IFNGR1: variants seen among roughly 807,000 people sequenced by gnomAD.
IFNGR1 encodes the protein interferon gamma receptor 1, also known as AVP, type 2.
A neutral mutation model predicts 35.4 loss-of-function variants in IFNGR1; 23 were observed. That is an observed-to-expected ratio of 0.65 (90% confidence interval 0.47 to 0.92). IFNGR1 has a LOEUF of 0.92. Among genes scored for constraint, IFNGR1 ranks in the 40% least tolerant of loss-of-function variants. The pLI, the probability that IFNGR1 is intolerant of heterozygous loss-of-function variation, is 0.00. For synonymous variants in IFNGR1, 199 were observed against 209.5 expected, an observed-to-expected ratio of 0.95 and a Z score of 0.43; for missense variants, 533 against 583.4, an observed-to-expected ratio of 0.91 and a Z score of 0.89.
Position 137,198,270 on chromosome 6 carries a change from C to T in IFNGR1, c.1231G>A (p.Gly411Ser), listed in dbSNP as rs750604380. 3.1e-6 allele frequency: 5 copies of T among 1,613,826 alleles called. No individual in the cohort carries two copies. Among genetic ancestry groups the T allele is most frequent in the East Asian group, 2.2e-5 (1 of 44,900 alleles). The change falls in exon 7 of 7, where the codon GGT becomes AGT. Residue 411 changes from glycine (G) to serine (S), a missense_variant. By Grantham distance (56) the Gly-to-Ser change is moderately conservative. Coordinates refer to ENST00000367739, the MANE Select transcript of IFNGR1 (RefSeq NM_000416.3). ...NCSESDHSRNGFDTDSSCLES... is the reference protein window; with the variant it reads ...NCSESDHSRNSFDTDSSCLES... The stretch of plus-strand genomic sequence containing the variant: ...AGACAGCTGGAATCAGTATCAAAAC[C>T]ATTTCTGGAGTGATCACTCTCAGAA...
At chr6:137,206,021 A>G (rs1400837533) in intron 3 of IFNGR1, 115 bp downstream of exon 3, 2 of 858,092 alleles carry the variant, frequency 2.3e-6, no homozygotes, top group Admixed American at 1.9e-5. Flanking sequence ...AATTCCTCCA[A>G]GTGTTTCTTA....
intron 3 of IFNGR1, among the ~76,000 whole-genome samples, chr6:137,204,825 T>C (rs1779392319): frequency 6.6e-6 from 1 of 152,228 alleles, no homozygotes; most frequent in Admixed American, 6.5e-5. Context: ...TAGACTCTAT[T>C]AAGTAATTTT....
At chr6:137,215,425 C>T in intron 1 of IFNGR1, 2 of 1,254,512 alleles carry the variant, frequency 1.6e-6, no homozygotes, top group Non-Finnish European at 1.1e-6. Context: ...CTTAAAAATA[C>T]ACAAGACCTA....
chr6:137,207,171 G>A, intron 1 of IFNGR1, 94 bp from the exon 2 acceptor site: 1 of 1,486,206 alleles, frequency 6.7e-7, no homozygotes, highest in Non-Finnish European at 9.1e-7. Context: ...GCCCAGATAT[G>A]TATATTTGAA....
In IFNGR1 at chr6:137,197,565, T is replaced by C. The variant is rs886061125; in HGVS notation, c.*466A>G. ...TACACGTTTCTATTTACATATTCCA[T>C]TAATTCTATTAGTTTGAATTAGATT... On this transcript the variant is annotated 3_prime_UTR_variant, in exon 7 of 7. Coordinates refer to ENST00000367739, the MANE Select transcript of IFNGR1 (RefSeq NM_000416.3). The C allele has an allele frequency of 6.5e-6, 1 of 154,404 alleles. No homozygotes were observed. The highest frequency in any genetic ancestry group is 1.4e-5 in the Non-Finnish European group (1 of 69,390). 9.6% of individuals were successfully genotyped at this position (154,404 alleles called of 1,614,324 possible).
At position 137,198,694 on chromosome 6, in the gene IFNGR1, C is replaced by G. The variant is rs1779162945; in HGVS notation, c.862-55G>C. The G allele has an allele frequency of 4.2e-6, 6 of 1,431,520 alleles. No homozygotes were observed. In the Admixed American group the frequency reaches 1.0e-4, roughly 24 times the overall value. 88.7% of individuals were successfully genotyped at this position (1,431,520 alleles called of 1,614,324 possible). ...AAAATTGTTAAGCTTAAGTGCCTAC[C>G]CTCAAAAAAAACAAAGGTCTGAAGT... On this transcript the variant is annotated intron_variant, in intron 6 of 6. Coordinates refer to ENST00000367739, the MANE Select transcript of IFNGR1 (RefSeq NM_000416.3).
At chr6:137,215,983 T>C (rs1028703452) in intron 1 of IFNGR1, among the ~76,000 whole-genome samples, 4 of 152,226 alleles carry the variant, frequency 2.6e-5, no homozygotes, top group African/African-American at 9.6e-5. Context: ...ATTACAGGCA[T>C]GAGCCACTGC....
In IFNGR1 at chr6:137,201,002, A is replaced by G. The variant is rs762735707; in HGVS notation, c.740T>C (p.Leu247Pro). ...TIFNSSIKGS[L>P]WIPVVAALLL... ...TAAAGCAGCAACAACTGGAATCCAA[A>G]GAGAACCTTAAAAAAGGCAGAAATC... The change falls in exon 6 of 7, where the codon CTT becomes CCT. Residue 247 changes from leucine to proline, a missense_variant. Coordinates refer to ENST00000367739, the MANE Select transcript of IFNGR1 (RefSeq NM_000416.3). 1.9e-6 allele frequency: 3 copies of G among 1,613,446 alleles called. No individual in the cohort carries two copies. In the Admixed American group the frequency reaches 5.0e-5, roughly 27 times the overall value.
At chr6:137,211,617 A>G (rs142748099) in intron 1 of IFNGR1, among the ~76,000 whole-genome samples, 155 of 152,248 alleles carry the variant, frequency 1.0e-3, no homozygotes, top group African/African-American at 3.2e-3. Flanking sequence ...CTTGTAGGTG[A>G]TCCCTAAGGC....
intron 5 of IFNGR1, 78 bp from the exon 6 acceptor site, chr6:137,201,086 C>G (rs1779267145): frequency 1.4e-6 from 2 of 1,446,582 alleles, no homozygotes; most frequent in Non-Finnish European, 1.9e-6. Context: ...TAGTGCCATT[C>G]TTGAATAGAT....
chr6:137,199,313 ATATAATATATAATT>A lies in IFNGR1; in HGVS notation c.862-688_862-675del, dbSNP rs1434865621. 5.3e-5 allele frequency among the ~76,000 whole-genome samples: 7 copies of A among 133,296 alleles called. 1 individual carries two copies. In the East Asian group the frequency reaches 6.1e-4, roughly 12 times the overall value. The allele number at this position is 133,296 out of a possible 152,430, so 87.4% of individuals were successfully genotyped here. ...ATGAAAAATATAATTAATATATATT[ATATAATATATAATT>A]TATAATATATAATATATAATTTATA... On this transcript the variant is annotated intron_variant, in intron 6 of 6. Coordinates refer to ENST00000367739, the MANE Select transcript of IFNGR1 (RefSeq NM_000416.3).
intron 1 of IFNGR1, chr6:137,219,039 A>G (rs1161111848): frequency 6.5e-6 from 4 of 616,872 alleles, no homozygotes; most frequent in African/African-American, 5.6e-5. Context: ...GGGAAGAGGC[A>G]GGAGAAAGGC....
chr6:137,206,846 T>C (rs1184489808), intron 2 of IFNGR1, 117 bp downstream of exon 2: 4 of 766,176 alleles, frequency 5.2e-6, no homozygotes, highest in East Asian at 5.3e-5. Context: ...TGGACCTCTA[T>C]AAGCAGTTTA....
chr6:137,204,466 C>T lies in IFNGR1; in HGVS notation c.412G>A (p.Glu138Lys), dbSNP rs779873472. The change falls in exon 4 of 7, where the codon GAG becomes AAG. Residue 138 changes from glutamate (E) to lysine (K), a missense_variant. Physicochemically the swap from Glu to Lys is moderately conservative, Grantham distance 56. Transcript: ENST00000367739. ...GPPKLDIRKE[E>K]KQIMIDIFHP... Reference sequence around the variant, plus strand: ...AATATGTCAATCATGATTTGCTTCTCCTCCTTTCTGATATCCAGTTTAGGT... The same window carrying T: ...AATATGTCAATCATGATTTGCTTCTTCTCCTTTCTGATATCCAGTTTAGGT... The T allele has an allele frequency of 8.1e-6, 13 of 1,613,996 alleles. No homozygotes were observed. Among genetic ancestry groups the T allele is most frequent in the African/African-American group, 1.3e-5 (1 of 75,040 alleles).
intron 1 of IFNGR1, among the ~76,000 whole-genome samples, chr6:137,211,993 A>C (rs986623129): frequency 1.3e-5 from 2 of 152,066 alleles, no homozygotes; most frequent in African/African-American, 2.4e-5. Context: ...GAATTTTCAA[A>C]CCAGGTGGTC....
chr6:137,199,651 G>A (rs1296666076), intron 6 of IFNGR1, among the ~76,000 whole-genome samples: 2 of 135,862 alleles, frequency 1.5e-5, no homozygotes, highest in Non-Finnish European at 3.1e-5. Context: ...TATTCCATTA[G>A]TTCTGTCCCT....
intron 1 of IFNGR1, among the ~76,000 whole-genome samples, chr6:137,217,006 CA>C (rs1030109616): frequency 2.4e-4 from 36 of 152,330 alleles, no homozygotes; most frequent in African/African-American, 7.7e-4. Flanking sequence ...TGTGCACTCA[CA>C]GGGGTCACAC....
At chr6:137,199,535 A>ATT (rs1779216847) in intron 6 of IFNGR1, among the ~76,000 whole-genome samples, 1 of 82,162 alleles carries the variant, frequency 1.2e-5, no homozygotes, top group African/African-American at 4.6e-5. Flanking sequence ...TATAATATAT[A>ATT]ATATATATTA....
chr6:137,201,197 A>G (rs1779269024), intron 5 of IFNGR1, among the ~76,000 whole-genome samples, 189 bp from the exon 6 acceptor site: 1 of 152,242 alleles, frequency 6.6e-6, no homozygotes, highest in Non-Finnish European at 1.5e-5. Context: ...AGATAGCAAT[A>G]TGGTTCTTCC....
Sources: allele counts gnomAD v4.1 joint callset (sites outside exome capture counted in the v4.1 genomes callset), GRCh38; gene constraint gnomAD v4.1.1; transcripts MANE v1.5; gene names NCBI Gene and HGNC (gene_info 2026-07-23, HGNC 2026-07-21).